The following DPY19L2 variants were observed in gnomAD, a reference collection of about 807,000 sequenced individuals.
DPY19L2 encodes probable C-mannosyltransferase DPY19L2.
A neutral mutation model predicts 97.9 loss-of-function variants in DPY19L2; 34 were observed. The ratio of observed to expected loss-of-function variants is 0.35; its 90% confidence interval spans 0.26 to 0.46. The LOEUF (loss-of-function observed/expected upper bound fraction) is 0.46, where lower values mean the gene tolerates loss of function less well. DPY19L2 is among the 20% of genes least tolerant of loss of function. DPY19L2 has a pLI of 1.00. For synonymous variants in DPY19L2, 230 were observed against 307.9 expected (o/e 0.75, Z 2.65); for missense variants, 623 against 911.4 (o/e 0.68, Z 4.07).
chr12:63,563,318 G>A (rs1215797742), intron 21 of DPY19L2, among the ~76,000 whole-genome samples: 4 of 152,040 alleles, frequency 2.6e-5, no homozygotes, highest in Non-Finnish European at 4.4e-5. Flanking sequence ...TCATGATTAT[G>A]TTACTGTATC....
chr12:63,653,049 G>C (rs1187715539), intron 4 of DPY19L2, among the ~76,000 whole-genome samples: 1 of 151,852 alleles, frequency 6.6e-6, no homozygotes, highest in Non-Finnish European at 1.5e-5. Context: ...TGGCGCAAGA[G>C]GAGAATGGCA....
chr12:63,632,883 C>T (rs1452392425), intron 6 of DPY19L2, among the ~76,000 whole-genome samples: 1 of 152,098 alleles, frequency 6.6e-6, no homozygotes, highest in Non-Finnish European at 1.5e-5. Context: ...ACCAATGGAA[C>T]AGAACAGAGC....
chr12:63,631,980 T>C (rs186757072), intron 6 of DPY19L2, among the ~76,000 whole-genome samples: 17 of 152,182 alleles, frequency 1.1e-4, no homozygotes, highest in African/African-American at 3.9e-4. Context: ...ATTATCTCAA[T>C]AGATGCAGAA....
intron 13 of DPY19L2, among the ~76,000 whole-genome samples, chr12:63,599,942 A>G (rs1397633337): frequency 1.3e-5 from 2 of 152,210 alleles, no homozygotes; most frequent in Admixed American, 6.5e-5. Flanking sequence ...TAAGAGTTCT[A>G]TATTTTCAAA....
At chr12:63,653,086 T>C (rs1249727591) in intron 4 of DPY19L2, among the ~76,000 whole-genome samples, 3 of 152,004 alleles carry the variant, frequency 2.0e-5, no homozygotes, top group African/African-American at 7.3e-5. Context: ...ACCAGTAAAC[T>C]GGAAGACAGA....
rs756901743 is a variant in DPY19L2 at position 63,569,336 on chromosome 12, T to A, written c.2014A>T (p.Ile672Leu). The change falls in exon 21 of 22, where the codon ATA becomes TTA. Residue 672 changes from isoleucine to leucine, a missense_variant. Coordinates refer to ENST00000324472, the MANE Select transcript of DPY19L2 (RefSeq NM_173812.5). Reference sequence around the variant, plus strand: ...TTTCGACTATATGTAGAATAAACTATTTTTGTCCGAGCCCTTTAAATTTAA... The same window carrying A: ...TTTCGACTATATGTAGAATAAACTAATTTTGTCCGAGCCCTTTAAATTTAA... The part of the protein sequence containing the change: ...EDADLRARTK[I>L]VYSTYSRKSA... 6.3e-6 allele frequency: 10 copies of A among 1,591,820 alleles called. No homozygotes were observed. In the East Asian group the frequency reaches 1.8e-4, roughly 29 times the overall value.
intron 6 of DPY19L2, among the ~76,000 whole-genome samples, chr12:63,633,705 C>G (rs1477526807): frequency 6.6e-6 from 1 of 152,068 alleles, no homozygotes; most frequent in Admixed American, 6.6e-5. Flanking sequence ...CCAGCCATCC[C>G]ATTACTGGGT....
intron 4 of DPY19L2, among the ~76,000 whole-genome samples, chr12:63,649,317 A>G (rs1419708439): frequency 6.6e-6 from 1 of 152,144 alleles, no homozygotes; most frequent in African/African-American, 2.4e-5. Context: ...AAGACAAGAA[A>G]TAACCAAATC....
chr12:63,637,271 G>C (rs1247244149), intron 6 of DPY19L2, among the ~76,000 whole-genome samples: 1 of 152,080 alleles, frequency 6.6e-6, no homozygotes, highest in Non-Finnish European at 1.5e-5. Context: ...GAATCTCTGG[G>C]ACACATTTAA....
At chr12:63,594,981 A>G (rs1883960875) in intron 15 of DPY19L2, among the ~76,000 whole-genome samples, 1 of 152,096 alleles carries the variant, frequency 6.6e-6, no homozygotes, top group African/African-American at 2.4e-5. Context: ...CTCACATTTT[A>G]CTCATTCCTC....
At chr12:63,611,460 C>T (rs1310065577) in intron 11 of DPY19L2, among the ~76,000 whole-genome samples, 1 of 151,778 alleles carries the variant, frequency 6.6e-6, no homozygotes, top group African/African-American at 2.4e-5. Context: ...GAAGAAGAAA[C>T]AATTAATTGA....
At chr12:63,668,672 A>G, upstream of DPY19L2, 1 of 450,956 alleles carries the variant, frequency 2.2e-6, no homozygotes, top group Non-Finnish European at 4.0e-6. Context: ...CGGTGAGGGC[A>G]GCCCCACGCA....
At position 63,655,313 on chromosome 12, in the gene DPY19L2, A is replaced by G. The variant is rs113483680; in HGVS notation, c.588+6031T>C. 2.0e-3 allele frequency among the ~76,000 whole-genome samples: 306 copies of G among 152,288 alleles called. 4 individuals are homozygous for G. The highest frequency in any genetic ancestry group is 7.1e-3 in the African/African-American group (295 of 41,560). ...AATGAGTAAAATAAAAAATAGTGAC[A>G]ATACCAAATGCAGGTGAGGATACAG... On this transcript the variant is annotated intron_variant, in intron 4 of 21. Coordinates refer to ENST00000324472, the MANE Select transcript of DPY19L2 (RefSeq NM_173812.5).
At chr12:63,665,429 C>T (rs28623379) in intron 2 of DPY19L2, among the ~76,000 whole-genome samples, 2 of 150,592 alleles carry the variant, frequency 1.3e-5, no homozygotes, top group African/African-American at 2.4e-5. Flanking sequence ...GTCAAGATCA[C>T]GCCACTGCAC....
chr12:63,655,550 A>G (rs1894850824), intron 4 of DPY19L2, among the ~76,000 whole-genome samples: 1 of 152,088 alleles, frequency 6.6e-6, no homozygotes, highest in African/African-American at 2.4e-5. Context: ...TGAAAGGGGG[A>G]CAGGAGGTTT....
In DPY19L2 at chr12:63,560,792, A is replaced by G. The variant is rs1478487087; in HGVS notation, c.2127-130T>C. On this transcript the variant is annotated intron_variant, in intron 21 of 21. Coordinates refer to ENST00000324472, the MANE Select transcript of DPY19L2 (RefSeq NM_173812.5). ...TAAATATTTTAAAGCGTCATTTCAAAAAACAATTTCAATGTTTAGAAATTT... is the reference window on the plus strand; with the variant it reads ...TAAATATTTTAAAGCGTCATTTCAAGAAACAATTTCAATGTTTAGAAATTT... 3.8e-6 allele frequency: 5 copies of G among 1,331,454 alleles called. No homozygotes were observed. The African/African-American group carries it at 7.5e-5, about 20-fold the overall frequency. 82.5% of individuals were successfully genotyped at this position (1,331,454 alleles called of 1,614,324 possible).
chr12:63,587,117 G>A (rs1369747932), intron 16 of DPY19L2, among the ~76,000 whole-genome samples: 3 of 151,756 alleles, frequency 2.0e-5, no homozygotes, highest in Non-Finnish European at 4.4e-5. Flanking sequence ...CTATAAAAAA[G>A]AAAGCAGATG....
intron 16 of DPY19L2, among the ~76,000 whole-genome samples, chr12:63,592,612 T>C (rs2137479671): frequency 6.7e-6 from 1 of 148,508 alleles, no homozygotes; most frequent in East Asian, 2.0e-4. Flanking sequence ...CTGGATCCCT[T>C]CCTTACACCT....
At chr12:63,641,143 A>T (rs1041879452) in intron 6 of DPY19L2, among the ~76,000 whole-genome samples, 12 of 152,078 alleles carry the variant, frequency 7.9e-5, no homozygotes, top group African/African-American at 2.7e-4. Context: ...TGACCTCATG[A>T]TCTGCCCGCC....
Sources: gnomAD v4.1 joint callset for allele counts (sites outside exome capture counted in the v4.1 genomes callset) on GRCh38, gnomAD v4.1.1 for gene constraint, MANE v1.5 for transcripts, NCBI Gene and HGNC (gene_info 2026-07-23, HGNC 2026-07-21) for gene names.